CRY1: variants seen among roughly 807,000 people sequenced by gnomAD.
The protein encoded by CRY1 is cryptochrome circadian regulator 1, also known as cryptochrome-1.
A neutral mutation model predicts 76.0 loss-of-function variants in CRY1; 45 were observed. The ratio of observed to expected loss-of-function variants is 0.59; its 90% CI spans 0.47 to 0.76. The LOEUF (loss-of-function observed/expected upper bound fraction) is 0.76. CRY1 is among the 30% of genes least tolerant of loss of function. The pLI is 0.00. For missense variants in CRY1, 587 were observed against 716.4 expected, an observed-to-expected ratio of 0.82 and a Z score of 2.06; for synonymous variants, 248 against 244.0, an observed-to-expected ratio of 1.02 and a Z score of -0.15.
At chr12:107,033,641 TA>T (rs1952702877) in intron 1 of CRY1, among the ~76,000 whole-genome samples, 1 of 152,048 alleles carries the variant, frequency 6.6e-6, no homozygotes, top group Admixed American at 6.6e-5. Context: ...AAAAACTATA[TA>T]ACCAATTGAC....
chr12:107,042,636 A>C lies in CRY1; in HGVS notation c.159-20444T>G, dbSNP rs575235903. Among the ~76,000 whole-genome samples, 26 of 152,302 alleles carry C rather than the reference A, an allele frequency of 1.7e-4. No homozygotes were observed. In the East Asian group the frequency reaches 3.1e-3, roughly 18 times the overall value. On this transcript the variant is annotated intron_variant, in intron 1 of 12. Transcript: ENST00000008527. ...AGATGGCCAACTGGAAGCCCCTAGC[A>C]CTCATCGCCATCACAAAGACAGACA...
intron 1 of CRY1, among the ~76,000 whole-genome samples, chr12:107,052,103 G>A (rs7313445): frequency 0.48 from 73,516 of 151,752 alleles, 19,267 homozygotes; most frequent in East Asian, 0.72. Context: ...TTTTTCTAAC[G>A]GTTACTTGGT....
chr12:107,003,153 T>A (rs1952331471), intron 3 of CRY1, among the ~76,000 whole-genome samples: 1 of 152,198 alleles, frequency 6.6e-6, no homozygotes, highest in Admixed American at 6.5e-5. Flanking sequence ...AGCATATGTA[T>A]CTATGTCACA....
rs918704642 is a variant in CRY1 at position 107,093,437 on chromosome 12, A to G, written c.-476T>C. 6.5e-6 allele frequency: 1 copy of G among 153,862 alleles called. No homozygotes were observed. Among genetic ancestry groups the G allele is most frequent in the African/African-American group, 2.4e-5 (1 of 41,504 alleles). 9.5% of individuals were successfully genotyped at this position (153,862 alleles called of 1,614,324 possible). On this transcript the variant is annotated 5_prime_UTR_variant, in exon 1 of 13. Coordinates refer to ENST00000008527, the MANE Select transcript of CRY1 (RefSeq NM_004075.5). ...GGAGGGGAATGAGCCCCTGTCGGCG[A>G]CGCTGTCTCTCGGCCCGGGAGAAAG... is the stretch of plus-strand genomic sequence containing the variant.
intron 2 of CRY1, among the ~76,000 whole-genome samples, chr12:107,009,632 G>A (rs548960714): frequency 2.8e-5 from 4 of 140,988 alleles, no homozygotes; most frequent in Admixed American, 1.4e-4. Context: ...TTCACGGTCC[G>A]GTACGGTGGC....
chr12:107,069,647 G>C lies in CRY1; in HGVS notation c.158+23157C>G, dbSNP rs868836607. On this transcript the variant is annotated intron_variant, in intron 1 of 12. Transcript: ENST00000008527. ...TATATATAAAGTATATATATAAAAA[G>C]TATATAAAGTATATATAAAGTATAT... 7.3e-3 allele frequency among the ~76,000 whole-genome samples: 940 copies of C among 128,304 alleles called. 17 individuals are homozygous for C. The highest frequency in any genetic ancestry group is 0.026 in the African/African-American group (900 of 34,932). The allele number at this position is 128,304 out of a possible 152,430, so 84.2% of individuals were successfully genotyped here. A position where few individuals can be genotyped will look rare whatever the true frequency, so the allele number is the denominator to read the frequency against.
At chr12:107,036,631 A>C (rs1391833647) in intron 1 of CRY1, among the ~76,000 whole-genome samples, 1 of 151,542 alleles carries the variant, frequency 6.6e-6, no homozygotes, top group Non-Finnish European at 1.5e-5. Flanking sequence ...TAGGTCCTAC[A>C]GAACGAACCC....
chr12:107,065,583 G>A (rs915108171), intron 1 of CRY1, among the ~76,000 whole-genome samples: 6 of 151,736 alleles, frequency 4.0e-5, no homozygotes, highest in South Asian at 4.2e-4. Flanking sequence ...TGACAAGAGC[G>A]AAACTCTGTT....
intron 2 of CRY1, among the ~76,000 whole-genome samples, chr12:107,005,507 T>C (rs1023438959): frequency 2.0e-5 from 3 of 152,244 alleles, no homozygotes; most frequent in African/African-American, 7.2e-5. Context: ...ATACTAAATG[T>C]GTTTGTAGAG....
At chr12:107,054,078 C>T (rs554509379) in intron 1 of CRY1, among the ~76,000 whole-genome samples, 1 of 152,108 alleles carries the variant, frequency 6.6e-6, no homozygotes, top group African/African-American at 2.4e-5. Flanking sequence ...AGCTGAGATG[C>T]TAGGAAGAAT....
At chr12:107,051,057 G>A (rs1459273112) in intron 1 of CRY1, among the ~76,000 whole-genome samples, 2 of 152,114 alleles carry the variant, frequency 1.3e-5, no homozygotes, top group Non-Finnish European at 2.9e-5. Flanking sequence ...AAAGAAAGGT[G>A]GAGAAACAGT....
chr12:107,003,195 G>A (rs1055800845), intron 3 of CRY1, among the ~76,000 whole-genome samples: 19 of 152,036 alleles, frequency 1.2e-4, no homozygotes, highest in African/African-American at 4.4e-4. Flanking sequence ...CAAATTTCAA[G>A]TTATTTAAAT....
At chr12:107,075,209 CAATCAGTTA>C (rs1201005744) in intron 1 of CRY1, among the ~76,000 whole-genome samples, 1 of 152,118 alleles carries the variant, frequency 6.6e-6, no homozygotes, top group Non-Finnish European at 1.5e-5. Context: ...ATTCCTATTC[CAATCAGTTA>C]AAGTTCTAGA....
intron 2 of CRY1, among the ~76,000 whole-genome samples, chr12:107,021,510 T>C (rs887016140): frequency 2.6e-5 from 4 of 152,108 alleles, no homozygotes; most frequent in Admixed American, 2.6e-4. Context: ...TAAAAAATTA[T>C]AGCCATCTAC....
At chr12:107,022,329 C>T (rs1952568840) in intron 1 of CRY1, 137 bp from the exon 2 acceptor site, 3 of 391,800 alleles carry the variant, frequency 7.7e-6, no homozygotes, top group Non-Finnish European at 1.4e-5. Context: ...TATACTTTTT[C>T]CAAAAACCAT....
rs74729122 is a variant in CRY1 at position 106,998,543 on chromosome 12, G to A, written c.1138-477C>T. ...TACTAGCATTACATAGTTTAATTTCGAATTCCTTGATCAGAAAGAAAATAG... is the reference window on the plus strand; with the variant it reads ...TACTAGCATTACATAGTTTAATTTCAAATTCCTTGATCAGAAAGAAAATAG... On this transcript the variant is annotated intron_variant, in intron 7 of 12. Transcript: ENST00000008527. Among the ~76,000 whole-genome samples the A allele has an allele frequency of 3.2e-3, 485 of 151,900 alleles. 6 individuals carry two copies. The highest frequency in any genetic ancestry group is 0.011 in the African/African-American group (469 of 41,424).
chr12:107,022,310 CTAT>C, intron 1 of CRY1, 118 bp from the exon 2 acceptor site: 1 of 472,492 alleles, frequency 2.1e-6, no homozygotes, highest in Non-Finnish European at 3.7e-6. Context: ...TTATTACCTC[CTAT>C]TGATATATAC....
intron 1 of CRY1, among the ~76,000 whole-genome samples, chr12:107,089,764 G>C (rs999548013): frequency 6.6e-6 from 1 of 152,140 alleles, no homozygotes; most frequent in African/African-American, 2.4e-5. Context: ...GATCTTGCCA[G>C]GCTAAGGAAT....
chr12:107,005,133 A>T lies in CRY1; in HGVS notation c.383T>A (p.Ile128Asn), dbSNP rs763517034. The change falls in exon 3 of 13, where the codon ATT becomes AAT. Residue 128 changes from isoleucine to asparagine, a missense_variant. Physicochemically the swap from Ile to Asn is moderately radical, Grantham distance 149 (BLOSUM62 -3). Coordinates refer to ENST00000008527, the MANE Select transcript of CRY1 (RefSeq NM_004075.5). ...GTCTAGGTCATATAATGTATGTGAA[A>T]TTCTTACAATGACTTCTACTCCAGC... ...TEAGVEVIVR[I>N]SHTLYDLDKI... 6.2e-7 allele frequency: 1 copy of T among 1,613,284 alleles called. No individual in the cohort carries two copies. Among genetic ancestry groups the T allele is most frequent in the Non-Finnish European group, 8.5e-7 (1 of 1,179,774 alleles).
Sources: gnomAD v4.1 joint callset for allele counts (sites outside exome capture counted in the v4.1 genomes callset) on GRCh38, gnomAD v4.1.1 for gene constraint, MANE v1.5 for transcripts, NCBI Gene and HGNC (gene_info 2026-07-23, HGNC 2026-07-21) for gene names.